Variants in NAT1 observed in about 807,000 individuals in gnomAD.
NAT1 encodes N-acetyltransferase 1, also known as arylamine N-acetyltransferase 1.
For missense variants in NAT1, 400 were observed against 339.2 expected (o/e 1.18, Z -1.41); for synonymous variants, 144 against 122.6 (o/e 1.17, Z -1.16).
chr8:18,186,323 AAT>A (rs765886655), intron 2 of NAT1, among the ~76,000 whole-genome samples: 2 of 152,178 alleles, frequency 1.3e-5, no homozygotes, highest in Non-Finnish European at 2.9e-5. Context: ...CAAATGAATT[AAT>A]GTCATTATGA....
chr8:18,211,677 G>A lies in NAT1; in HGVS notation c.-86+1497G>A, dbSNP rs185712876. 4.5e-4 allele frequency among the ~76,000 whole-genome samples: 69 copies of A among 152,288 alleles called. 1 individual carries two copies. Among genetic ancestry groups the A allele is most frequent in the African/African-American group, 1.6e-3 (65 of 41,568 alleles). ...CTGTTGAATGATGGTCTTTGGGTGC[G>A]GCTAGTCCAGCAACCCCTTTTCATC... On this transcript the variant is annotated intron_variant, in intron 1 of 2. Transcript: ENST00000307719.
intron 2 of NAT1, among the ~76,000 whole-genome samples, chr8:18,193,310 G>A (rs1803092135): frequency 6.7e-6 from 1 of 149,740 alleles, no homozygotes; most frequent in Non-Finnish European, 1.5e-5. Context: ...CCAACTCCTG[G>A]GCTCAAGTGA....
rs1362603768 is a variant in NAT1 at position 18,223,051 on chromosome 8, A to G, written c.*131A>G. 1 of 583,190 alleles carries G rather than the reference A, an allele frequency of 1.7e-6. No individual in the cohort carries two copies. Among genetic ancestry groups the G allele is most frequent in the African/African-American group, 1.9e-5 (1 of 51,456 alleles). The allele number at this position is 583,190 out of a possible 1,614,324, so 36.1% of individuals were successfully genotyped here. On this transcript the variant is annotated 3_prime_UTR_variant, in exon 3 of 3. Coordinates refer to ENST00000307719, the MANE Select transcript of NAT1 (RefSeq NM_000662.8). ...CTAGACATCAAATCATTTCACCTATAAAAATGTCATCATATATAATTAAAC... is the reference window on the plus strand; with the variant it reads ...CTAGACATCAAATCATTTCACCTATGAAAATGTCATCATATATAATTAAAC...
chr8:18,206,700 A>C (rs1430755261), upstream of NAT1, among the ~76,000 whole-genome samples: 1 of 152,140 alleles, frequency 6.6e-6, no homozygotes, highest in Non-Finnish European at 1.5e-5. Flanking sequence ...TAAGTTCCTT[A>C]TAGACGCTGG....
chr8:18,179,429 T>A (rs1247544322), intron 2 of NAT1, among the ~76,000 whole-genome samples: 1 of 152,154 alleles, frequency 6.6e-6, no homozygotes, highest in African/African-American at 2.4e-5. Context: ...CTTGAGAACC[T>A]TGGTTTTGAA....
upstream of NAT1, among the ~76,000 whole-genome samples, chr8:18,206,977 T>C (rs1415086020): frequency 6.6e-6 from 1 of 152,200 alleles, no homozygotes; most frequent in Admixed American, 6.5e-5. Context: ...GTTGCCTAGA[T>C]TTTCTTCTAG....
At chr8:18,181,162 C>T (rs1459803565) in intron 2 of NAT1, among the ~76,000 whole-genome samples, 1 of 151,814 alleles carries the variant, frequency 6.6e-6, no homozygotes, top group African/African-American at 2.4e-5. Context: ...TTTTTGGGTC[C>T]TCTTCAGTTT....
upstream of NAT1, among the ~76,000 whole-genome samples, chr8:18,205,835 G>A (rs925953338): frequency 7.2e-5 from 11 of 152,138 alleles, no homozygotes; most frequent in African/African-American, 2.4e-4. Flanking sequence ...CCAGGGCGCT[G>A]CAAGCAGGTG....
At chr8:18,183,822 A>G (rs1802617799) in intron 2 of NAT1, among the ~76,000 whole-genome samples, 1 of 152,202 alleles carries the variant, frequency 6.6e-6, no homozygotes, top group Admixed American at 6.5e-5. Context: ...CAAAGCCAAT[A>G]GGGCCTTACA....
intron 1 of NAT1, among the ~76,000 whole-genome samples, chr8:18,218,476 A>T (rs1034700375): frequency 6.6e-6 from 1 of 152,168 alleles, no homozygotes; most frequent in Admixed American, 6.5e-5. Context: ...AAAACGTGAG[A>T]TCATTTTATT....
At chr8:18,208,784 A>G (rs1344177544), upstream of NAT1, among the ~76,000 whole-genome samples, 1 of 152,216 alleles carries the variant, frequency 6.6e-6, no homozygotes, top group Non-Finnish European at 1.5e-5. Context: ...GCTGGAGGCC[A>G]CAGAGGGAGC....
chr8:18,211,643 C>T (rs1371703670), intron 1 of NAT1, among the ~76,000 whole-genome samples: 3 of 152,150 alleles, frequency 2.0e-5, no homozygotes, highest in East Asian at 1.9e-4. Context: ...GCCTTCTGGA[C>T]AAGAACAACT....
chr8:18,188,349 G>A (rs995007897), intron 2 of NAT1, among the ~76,000 whole-genome samples: 3 of 152,080 alleles, frequency 2.0e-5, no homozygotes, highest in African/African-American at 4.8e-5. Context: ...CACTAATGAC[G>A]AAATTTTTCT....
chr8:18,175,219 G>T (rs10100103), intron 2 of NAT1, among the ~76,000 whole-genome samples: 39,412 of 151,630 alleles, frequency 0.26, 5,703 homozygotes, highest in African/African-American at 0.37. Flanking sequence ...GGTGTGATGA[G>T]AATGTTAAAA....
chr8:18,184,163 T>G (rs1449744278), intron 2 of NAT1, among the ~76,000 whole-genome samples: 7 of 152,166 alleles, frequency 4.6e-5, no homozygotes, highest in Non-Finnish European at 1.0e-4. Flanking sequence ...ATAACATCCT[T>G]TGAAGTCTTG....
chr8:18,201,150 A>G (rs1383939342), intron 2 of NAT1: 1 of 152,214 alleles, frequency 6.6e-6, no homozygotes, highest in East Asian at 1.9e-4. Flanking sequence ...GTAAATTATT[A>G]TTCCTGCTAG....
intron 2 of NAT1, among the ~76,000 whole-genome samples, chr8:18,191,287 G>A (rs1197262627): frequency 6.6e-6 from 1 of 152,010 alleles, no homozygotes; most frequent in African/African-American, 2.4e-5. Flanking sequence ...AAAATAATAG[G>A]TTTTATAGAC....
In NAT1 at chr8:18,184,497, C is replaced by A. The variant is rs554484367; in HGVS notation, n.92+13758C>A. ...TTCTTGATGAGTAACACTTGGCTTT[C>A]TTTTATCCATTTAATCTACAAATTA... On this transcript the variant is annotated intron_variant and non_coding_transcript_variant, in intron 2 of 4. Coordinates refer to the NAT1 transcript ENST00000517441. Among the ~76,000 whole-genome samples, 22 of 152,272 alleles carry A rather than the reference C, an allele frequency of 1.4e-4. No individual in the cohort carries two copies. The East Asian group carries it at 4.1e-3, about 28-fold the overall frequency.
chr8:18,173,628 G>C (rs937526141), intron 2 of NAT1, among the ~76,000 whole-genome samples: 2 of 152,164 alleles, frequency 1.3e-5, no homozygotes, highest in Non-Finnish European at 2.9e-5. Context: ...ATAGTGGAGA[G>C]TGCACATTCC....
Sources: allele counts gnomAD v4.1 joint callset (sites outside exome capture counted in the v4.1 genomes callset), GRCh38; gene constraint gnomAD v4.1.1; transcripts MANE v1.5; gene names NCBI Gene and HGNC (gene_info 2026-07-23, HGNC 2026-07-21).